The following TMEM116 variants were observed in gnomAD, a reference collection of about 807,000 sequenced individuals.
TMEM116 encodes transmembrane protein 116.
TMEM116 carries 38 observed loss-of-function variants against 44.3 expected under a neutral mutation model. The ratio of observed to expected loss-of-function variants is 0.86; its 90% CI spans 0.66 to 1.12. The LOEUF (loss-of-function observed/expected upper bound fraction) is 1.12. Among genes scored for constraint, TMEM116 ranks in the 50% most tolerant of loss-of-function variants. The pLI, the probability that TMEM116 is intolerant of heterozygous loss-of-function variation, is 0.00. For synonymous variants in TMEM116, 132 were observed against 144.8 expected (o/e 0.91, Z 0.64); for missense variants, 354 against 401.7 (o/e 0.88, Z 1.01).
At chr12:111,934,480 C>T in intron 8 of TMEM116, 1 of 153,972 alleles carries the variant, frequency 6.5e-6, no homozygotes, top group Non-Finnish European at 1.4e-5. Context: ...AGTCACTTTG[C>T]ACCCGGTGCG....
intron 8 of TMEM116, chr12:111,936,282 C>A (rs57601860): frequency 0.097 from 14,853 of 153,788 alleles, 825 homozygotes; most frequent in Middle Eastern, 0.18. Context: ...AGCATAAATG[C>A]AAATTTATGG....
intron 4 of TMEM116, among the ~76,000 whole-genome samples, chr12:111,991,038 G>GTGAA (rs2076534184): frequency 6.6e-6 from 1 of 151,890 alleles, no homozygotes; most frequent in South Asian, 2.1e-4. Flanking sequence ...GGCCAACATG[G>GTGAA]TGAAACCCCA....
At chr12:111,939,880 C>G (rs980083021) in intron 5 of TMEM116, among the ~76,000 whole-genome samples, 38 of 130,464 alleles carry the variant, frequency 2.9e-4, no homozygotes, top group Admixed American at 8.5e-4. Context: ...CTTCAAAGCT[C>G]TGTGTGTGTG....
At chr12:111,980,522 G>A (rs1399636890) in intron 4 of TMEM116, among the ~76,000 whole-genome samples, 2 of 152,068 alleles carry the variant, frequency 1.3e-5, no homozygotes, top group African/African-American at 2.4e-5. Flanking sequence ...CAAAAGCCAC[G>A]GAACTGCACA....
chr12:111,939,439 GAGAATCCGTCTCAA>G (rs1332347745), intron 5 of TMEM116, among the ~76,000 whole-genome samples: 1 of 130,906 alleles, frequency 7.6e-6, no homozygotes, highest in Non-Finnish European at 1.6e-5. Context: ...GTGACAGAAT[GAGAATCCGTCTCAA>G]AAAAAAAAAA....
chr12:112,007,243 TTC>T (rs1449317453), intron 1 of TMEM116, among the ~76,000 whole-genome samples: 1 of 151,980 alleles, frequency 6.6e-6, no homozygotes, highest in African/African-American at 2.4e-5. Context: ...GGCAAAACCT[TTC>T]TCTACTAAAA....
At chr12:112,012,705 A>T (rs1294523983) in intron 1 of TMEM116, 1 of 152,386 alleles carries the variant, frequency 6.6e-6, no homozygotes, top group Non-Finnish European at 1.5e-5. Context: ...GTAGCCCCGC[A>T]GGCAAAGCCA....
chr12:111,989,380 C>T (rs578223005), intron 4 of TMEM116, among the ~76,000 whole-genome samples: 35 of 152,292 alleles, frequency 2.3e-4, no homozygotes, highest in African/African-American at 3.6e-4. Context: ...GGAAAAGGGA[C>T]GCTTTAATTC....
intron 4 of TMEM116, among the ~76,000 whole-genome samples, chr12:111,963,701 G>A (rs1179095992): frequency 6.6e-6 from 1 of 152,084 alleles, no homozygotes; most frequent in Non-Finnish European, 1.5e-5. Flanking sequence ...AGCATTAGGA[G>A]AAATACCTAA....
chr12:111,995,321 A>T (rs952559061), intron 3 of TMEM116, among the ~76,000 whole-genome samples: 2 of 152,196 alleles, frequency 1.3e-5, no homozygotes, highest in Non-Finnish European at 2.9e-5. Context: ...GATGTATGAC[A>T]TAAGTGGCTT....
intron 4 of TMEM116, among the ~76,000 whole-genome samples, chr12:111,973,650 A>G (rs2075491852): frequency 6.6e-6 from 1 of 152,220 alleles, no homozygotes; most frequent in Admixed American, 6.5e-5. Context: ...GGAAATAATG[A>G]AGATCAAAGC....
chr12:111,938,227 T>C lies in TMEM116; in HGVS notation c.316-17A>G, dbSNP rs1593277118. 4 of 1,546,634 alleles carry C rather than the reference T, an allele frequency of 2.6e-6. No homozygotes were observed. The highest frequency in any genetic ancestry group is 3.5e-6 in the Non-Finnish European group (4 of 1,139,352). On this transcript the variant is annotated splice_polypyrimidine_tract_variant and intron_variant, in intron 5 of 10. Transcript: ENST00000552374. Reference sequence around the variant, plus strand: ...ATCTATCACCTGTGAAAAGAATAAATGTGAGAAATGTCTTAAGACATTGTC... The same window carrying C: ...ATCTATCACCTGTGAAAAGAATAAACGTGAGAAATGTCTTAAGACATTGTC...
At chr12:111,993,246 G>C (rs1047683644) in intron 3 of TMEM116, 5 of 438,416 alleles carry the variant, frequency 1.1e-5, no homozygotes, top group African/African-American at 2.0e-5. Context: ...CATTCCCCTG[G>C]GTTTAGTGAA....
At chr12:111,984,452 G>A (rs916893206) in intron 4 of TMEM116, among the ~76,000 whole-genome samples, 5 of 152,136 alleles carry the variant, frequency 3.3e-5, no homozygotes, top group South Asian at 2.1e-4. Flanking sequence ...AGGAGGTGGA[G>A]ATGGTCAATG....
chr12:111,987,166 G>C (rs1465853210), intron 4 of TMEM116, among the ~76,000 whole-genome samples: 1 of 151,958 alleles, frequency 6.6e-6, no homozygotes, highest in East Asian at 1.9e-4. Context: ...TAAATATAAA[G>C]AACTCTTACA....
intron 4 of TMEM116, among the ~76,000 whole-genome samples, chr12:111,957,839 G>A (rs1398805764): frequency 2.6e-5 from 4 of 152,244 alleles, no homozygotes; most frequent in Admixed American, 2.0e-4. Flanking sequence ...AGAAAAGGGG[G>A]AAATGTGGGG....
chr12:111,949,837 CA>C (rs2073575072), intron 4 of TMEM116, among the ~76,000 whole-genome samples: 1 of 152,138 alleles, frequency 6.6e-6, no homozygotes, highest in Non-Finnish European at 1.5e-5. Flanking sequence ...CCAAATAGGT[CA>C]GGGTGATGGC....
intron 5 of TMEM116, among the ~76,000 whole-genome samples, chr12:111,942,798 G>GTGTGTA (rs1437088629): frequency 6.6e-6 from 1 of 151,980 alleles, no homozygotes; most frequent in Non-Finnish European, 1.5e-5. Context: ...GTGTGTGGGT[G>GTGTGTA]TGTGTATGTG....
chr12:112,003,657 C>T, intron 3 of TMEM116, 143 bp downstream of exon 3: 3 of 1,210,724 alleles, frequency 2.5e-6, no homozygotes, highest in East Asian at 3.1e-5. Context: ...ACTGACCATG[C>T]CAAAAATATC....
Sources: allele counts gnomAD v4.1 joint callset (sites outside exome capture counted in the v4.1 genomes callset), GRCh38; gene constraint gnomAD v4.1.1; transcripts MANE v1.5; gene names NCBI Gene and HGNC (gene_info 2026-07-23, HGNC 2026-07-21).